The following NSUN4 variants were observed in gnomAD, a reference collection of about 807,000 sequenced individuals.
NSUN4 encodes 5-cytosine rRNA methyltransferase NSUN4.
Under a neutral mutation model 43.8 loss-of-function variants are expected in NSUN4, and 31 were observed. The ratio of observed to expected loss-of-function variants is 0.71; its 90% CI spans 0.53 to 0.96. The LOEUF (loss-of-function observed/expected upper bound fraction) is 0.96, where lower values mean the gene tolerates loss of function less well. NSUN4 is among the 40% of genes least tolerant of loss of function. NSUN4 has a pLI of 0.00. For missense variants in NSUN4, 439 were observed against 475.6 expected (o/e 0.92, Z 0.72); for synonymous variants, 167 against 184.1 (o/e 0.91, Z 0.75).
chr1:46,341,155 AT>A (rs1662070003), intron 1 of NSUN4: 1 of 1,299,340 alleles, frequency 7.7e-7, no homozygotes, highest in Non-Finnish European at 9.8e-7. Flanking sequence ...AAGTTGCGTC[AT>A]CACCTTCGCC....
intron 3 of NSUN4, among the ~76,000 whole-genome samples, chr1:46,351,567 C>A (rs1662981986): frequency 6.7e-6 from 1 of 149,294 alleles, no homozygotes; most frequent in South Asian, 2.2e-4. Context: ...GGCCCACACC[C>A]ATCATCCCAG....
At chr1:46,374,027 C>G in the NSUN4 span, among the ~76,000 whole-genome samples, 1 of 152,150 alleles carries the variant, frequency 6.6e-6, no homozygotes, top group Non-Finnish European at 1.5e-5. Context: ...TGGCTCACAC[C>G]TGTAATCCCA....
At chr1:46,358,504 C>T (rs1452695034) in intron 4 of NSUN4, among the ~76,000 whole-genome samples, 6 of 147,256 alleles carry the variant, frequency 4.1e-5, no homozygotes, top group African/African-American at 7.6e-5. Context: ...TGGATTTAAG[C>T]GATTCTTCTG....
chr1:46,341,093 C>G (rs762535993), intron 1 of NSUN4, 174 bp downstream of exon 1: 62 of 1,206,036 alleles, frequency 5.1e-5, no homozygotes, highest in Non-Finnish European at 6.5e-5. Flanking sequence ...ACTCTATGTC[C>G]CGAGCGTTAG....
the NSUN4 span, among the ~76,000 whole-genome samples, chr1:46,383,665 C>CA: frequency 6.6e-6 from 1 of 151,658 alleles, no homozygotes; most frequent in Non-Finnish European, 1.5e-5. Flanking sequence ...CTGTGTTAGC[C>CA]AGGATGGTCT....
At chr1:46,343,790 C>T (rs1023135359) in intron 1 of NSUN4, 1 of 400,634 alleles carries the variant, frequency 2.5e-6, no homozygotes, top group African/African-American at 2.1e-5. Flanking sequence ...AGGGCAAGAG[C>T]AAGAGTCTAT....
At chr1:46,349,645 C>T (rs999045438) in intron 3 of NSUN4, among the ~76,000 whole-genome samples, 4 of 152,188 alleles carry the variant, frequency 2.6e-5, no homozygotes, top group Non-Finnish European at 4.4e-5. Context: ...CCAGCTTGCA[C>T]AGTTTGAGTC....
chr1:46,377,200 C>T, the NSUN4 span, among the ~76,000 whole-genome samples: 2 of 151,984 alleles, frequency 1.3e-5, no homozygotes, highest in African/African-American at 2.4e-5. Context: ...CAGGTGTGTG[C>T]CACCACACCC....
At chr1:46,367,622 A>T (rs1478609270), downstream of NSUN4, among the ~76,000 whole-genome samples, 1 of 152,188 alleles carries the variant, frequency 6.6e-6, no homozygotes, top group East Asian at 1.9e-4. Context: ...TTTATTGAAC[A>T]GTACTGCTCC....
chr1:46,353,520 A>G (rs1184394816), intron 4 of NSUN4, among the ~76,000 whole-genome samples: 1 of 150,892 alleles, frequency 6.6e-6, no homozygotes, highest in Non-Finnish European at 1.5e-5. Flanking sequence ...TTTGTTGCCC[A>G]GGCTGGAGTG....
intron 1 of NSUN4, chr1:46,341,591 C>T: frequency 8.3e-7 from 1 of 1,199,454 alleles, no homozygotes; most frequent in South Asian, 4.3e-5. Flanking sequence ...CTTCTATGAC[C>T]GGCACGCCCC....
intron 4 of NSUN4, among the ~76,000 whole-genome samples, chr1:46,360,243 AAAAAAAATATAT>A (rs1431349065): frequency 0.016 from 618 of 37,876 alleles, 2 homozygotes; most frequent in East Asian, 0.076. Context: ...AAAAAAAAAA[AAAAAAAATATAT>A]ATATATATAT....
downstream of NSUN4, among the ~76,000 whole-genome samples, chr1:46,368,067 A>G (rs990912600): frequency 2.0e-5 from 3 of 152,004 alleles, no homozygotes; most frequent in African/African-American, 7.2e-5. Context: ...GCCCAGCCAC[A>G]ATCTGAAATT....
chr1:46,357,829 A>G (rs1663492069), intron 4 of NSUN4, among the ~76,000 whole-genome samples: 1 of 152,156 alleles, frequency 6.6e-6, no homozygotes, highest in African/African-American at 2.4e-5. Context: ...TTTGTGAGCC[A>G]ATCTATAAAT....
At chr1:46,374,043 T>A in the NSUN4 span, among the ~76,000 whole-genome samples, 1 of 151,960 alleles carries the variant, frequency 6.6e-6, no homozygotes, top group African/African-American at 2.4e-5. Flanking sequence ...TCCCAGCACT[T>A]TGGAAGGCCG....
intron 3 of NSUN4, among the ~76,000 whole-genome samples, chr1:46,351,694 T>C (rs923537660): frequency 3.6e-4 from 45 of 124,062 alleles, no homozygotes; most frequent in Non-Finnish European, 4.5e-4. Flanking sequence ...AGATGGAGCC[T>C]TGCTCTGTCG....
intron 1 of NSUN4, chr1:46,344,135 AC>A (rs1299400708): frequency 3.8e-5 from 7 of 185,994 alleles, no homozygotes; most frequent in Non-Finnish European, 1.1e-5. Flanking sequence ...GTCCCCTGCT[AC>A]CCCCATAGCA....
intron 3 of NSUN4, among the ~76,000 whole-genome samples, chr1:46,350,213 T>G (rs1662877011): frequency 6.6e-6 from 1 of 152,176 alleles, no homozygotes; most frequent in Non-Finnish European, 1.5e-5. Flanking sequence ...AATACAATTT[T>G]TACTTCTTTG....
intron 2 of NSUN4, among the ~76,000 whole-genome samples, chr1:46,346,150 C>CA (rs745954011): frequency 0.16 from 14,030 of 86,088 alleles, 1,165 homozygotes; most frequent in Middle Eastern, 0.21. Context: ...GACTCTGTCT[C>CA]AAAAAAAAAA....
Sources: allele counts gnomAD v4.1 joint callset (sites outside exome capture counted in the v4.1 genomes callset), GRCh38; gene constraint gnomAD v4.1.1; transcripts MANE v1.5; gene names NCBI Gene and HGNC (gene_info 2026-07-23, HGNC 2026-07-21).